SCFD2: variants seen among roughly 807,000 people sequenced by gnomAD.
SCFD2 encodes sec1 family domain containing 2.
Under a neutral mutation model 58.9 loss-of-function variants are expected in SCFD2, and 54 were observed. The ratio of observed to expected loss-of-function variants is 0.92; its 90% CI spans 0.74 to 1.15. The LOEUF (loss-of-function observed/expected upper bound fraction) is 1.15, where lower values mean the gene tolerates loss of function less well. Ranked by LOEUF, SCFD2 falls within the 50% of genes most tolerant of loss-of-function variation. The pLI is 0.00. For synonymous variants in SCFD2, 321 were observed against 335.9 expected (o/e 0.96, Z 0.49); for missense variants, 805 against 836.6 (o/e 0.96, Z 0.47).
rs1372977645 is a variant in SCFD2 at position 52,978,316 on chromosome 4, T to A, written c.1562-57446A>T. Among the ~76,000 whole-genome samples, 7 of 152,300 alleles carry A rather than the reference T, an allele frequency of 4.6e-5. No individual in the cohort carries two copies. The East Asian group carries it at 1.2e-3, about 25-fold the overall frequency. On this transcript the variant is annotated intron_variant, in intron 5 of 8. Coordinates refer to ENST00000401642, the MANE Select transcript of SCFD2 (RefSeq NM_152540.4). ...ACAGAATTCTGCAGGATGCTGGCCC[T>A]GTTCTCCCAGTGTTTGATGCTACTC...
At chr4:53,225,312 A>G (rs1729170504) in intron 4 of SCFD2, among the ~76,000 whole-genome samples, 1 of 152,174 alleles carries the variant, frequency 6.6e-6, no homozygotes, top group Non-Finnish European at 1.5e-5. Context: ...TAAGTGGTAA[A>G]TTACATCTCA....
intron 5 of SCFD2, among the ~76,000 whole-genome samples, chr4:53,135,004 G>GA (rs200710824): frequency 1.7e-4 from 25 of 147,186 alleles, no homozygotes; most frequent in East Asian, 7.9e-4. Context: ...GAATCTATTT[G>GA]AAAAAAAAAC....
chr4:53,359,583 CTTCTGAT>C (rs1005862081), intron 1 of SCFD2, among the ~76,000 whole-genome samples: 1 of 152,178 alleles, frequency 6.6e-6, no homozygotes, highest in African/African-American at 2.4e-5. Flanking sequence ...ACGTAAAACC[CTTCTGAT>C]TTTTAGAAGT....
intron 5 of SCFD2, among the ~76,000 whole-genome samples, chr4:53,132,917 C>T (rs1357590793): frequency 2.6e-5 from 4 of 152,140 alleles, no homozygotes; most frequent in Non-Finnish European, 5.9e-5. Context: ...TGCAGGTATA[C>T]ATATCCTGAA....
intron 5 of SCFD2, among the ~76,000 whole-genome samples, chr4:53,037,982 T>C (rs1171403958): frequency 6.6e-6 from 1 of 152,126 alleles, no homozygotes; most frequent in African/African-American, 2.4e-5. Context: ...TGACACTTCA[T>C]TGCAAGCCAG....
At chr4:53,042,182 A>G (rs1722916512) in intron 5 of SCFD2, among the ~76,000 whole-genome samples, 1 of 152,140 alleles carries the variant, frequency 6.6e-6, no homozygotes, top group African/African-American at 2.4e-5. Context: ...GTTTTCTCTC[A>G]TTCTCTATAC....
At chr4:53,215,963 G>A (rs556545399) in intron 4 of SCFD2, among the ~76,000 whole-genome samples, 292 of 152,204 alleles carry the variant, frequency 1.9e-3, no homozygotes, top group Middle Eastern at 6.8e-3. Flanking sequence ...ATTTGCTTAC[G>A]TTGAACCAGC....
intron 1 of SCFD2, among the ~76,000 whole-genome samples, chr4:53,357,387 C>G (rs1363982219): frequency 6.6e-6 from 1 of 151,936 alleles, no homozygotes; most frequent in Non-Finnish European, 1.5e-5. Flanking sequence ...TGAGATTGAG[C>G]CACTGCATAC....
chr4:53,002,676 A>G (rs1158622260), intron 5 of SCFD2, among the ~76,000 whole-genome samples: 2 of 152,206 alleles, frequency 1.3e-5, no homozygotes, highest in Non-Finnish European at 2.9e-5. Flanking sequence ...TTAAAGATCT[A>G]TAAGCAAATA....
intron 4 of SCFD2, among the ~76,000 whole-genome samples, chr4:53,233,006 ACT>A (rs1729486623): frequency 6.6e-6 from 1 of 152,128 alleles, no homozygotes; most frequent in Non-Finnish European, 1.5e-5. Flanking sequence ...AACCTCTAGC[ACT>A]CTCGGAATCC....
At chr4:53,068,854 T>C (rs1028012040) in intron 5 of SCFD2, among the ~76,000 whole-genome samples, 2 of 152,022 alleles carry the variant, frequency 1.3e-5, no homozygotes, top group Admixed American at 1.3e-4. Flanking sequence ...AACCCTGCAG[T>C]GAAACATCAG....
At chr4:53,227,390 T>C (rs1292657314) in intron 4 of SCFD2, among the ~76,000 whole-genome samples, 1 of 152,168 alleles carries the variant, frequency 6.6e-6, no homozygotes, top group East Asian at 1.9e-4. Context: ...CAAAGAAATT[T>C]AGATCTTAAA....
chr4:53,134,185 T>C (rs1725871799), intron 5 of SCFD2, among the ~76,000 whole-genome samples: 1 of 152,102 alleles, frequency 6.6e-6, no homozygotes, highest in Non-Finnish European at 1.5e-5. Flanking sequence ...TGAGGGGAAC[T>C]GGGGAGTTGC....
chr4:52,889,387 T>A (rs1718828406), intron 7 of SCFD2, among the ~76,000 whole-genome samples: 1 of 152,168 alleles, frequency 6.6e-6, no homozygotes, highest in Admixed American at 6.5e-5. Context: ...CAGTAATGGA[T>A]CCAGGAGCAA....
intron 5 of SCFD2, among the ~76,000 whole-genome samples, chr4:53,012,523 T>C (rs1417390745): frequency 2.0e-5 from 3 of 152,166 alleles, no homozygotes; most frequent in African/African-American, 7.2e-5. Flanking sequence ...GCCACTCTCA[T>C]GGCCTGTTTG....
At chr4:53,327,899 C>T (rs1250680114) in intron 2 of SCFD2, among the ~76,000 whole-genome samples, 1 of 151,870 alleles carries the variant, frequency 6.6e-6, no homozygotes, top group Admixed American at 6.6e-5. Flanking sequence ...GGGAGGCCAA[C>T]GTGGGTGGAT....
At chr4:53,315,679 T>C (rs968844639) in intron 2 of SCFD2, among the ~76,000 whole-genome samples, 10 of 152,292 alleles carry the variant, frequency 6.6e-5, no homozygotes, top group African/African-American at 2.4e-4. Flanking sequence ...GGAGTTACAA[T>C]CCCAGTTTCC....
Position 53,273,868 on chromosome 4 carries a change from G to A in SCFD2, c.1269C>T (p.Ala423=). Residue 423 remains alanine, a synonymous_variant, in exon 4 of 9, where the codon GCC becomes GCT. Transcript: ENST00000401642. ...CAAAAGCCAGAAAGTTGTCCCACTT[G>A]GCAGTCTGTGGGTGTTTCAACGTTT... ...TAQTLKHPQT[A]KWDNFLAFER... is the part of the protein sequence containing the mutation. 1.2e-6 allele frequency: 2 copies of A among 1,613,654 alleles called. No individual in the cohort carries two copies. Among genetic ancestry groups the A allele is most frequent in the Non-Finnish European group, 1.7e-6 (2 of 1,179,768 alleles).
At chr4:53,270,264 T>G (rs1424488054) in intron 4 of SCFD2, among the ~76,000 whole-genome samples, 1 of 151,964 alleles carries the variant, frequency 6.6e-6, no homozygotes, top group Non-Finnish European at 1.5e-5. Flanking sequence ...GGAGAAAAAC[T>G]CATCATTTTA....
Sources: allele counts gnomAD v4.1 joint callset (sites outside exome capture counted in the v4.1 genomes callset), GRCh38; gene constraint gnomAD v4.1.1; transcripts MANE v1.5; gene names NCBI Gene and HGNC (gene_info 2026-07-23, HGNC 2026-07-21).